The following SNX4 variants were observed in gnomAD, a reference collection of about 807,000 sequenced individuals.
SNX4 encodes sorting nexin 4.
SNX4 carries 49 observed loss-of-function variants against 70.8 expected under a neutral mutation model. The observed-to-expected ratio is 0.69, with a 90% confidence interval of 0.55 to 0.88. The LOEUF is 0.88. Among genes scored for constraint, SNX4 ranks in the 40% least tolerant of loss-of-function variants. The pLI is 0.00. For missense variants in SNX4, 528 were observed against 544.8 expected (o/e 0.97, Z 0.31); for synonymous variants, 206 against 183.8 (o/e 1.12, Z -0.98).
chr3:125,511,695 C>A (rs1232210800), intron 1 of SNX4, among the ~76,000 whole-genome samples: 1 of 151,568 alleles, frequency 6.6e-6, no homozygotes, highest in South Asian at 2.1e-4. Flanking sequence ...CTTTTTTTTT[C>A]TTCTTTGCTC....
At chr3:125,506,817 T>TAAAAAAAAAAAAAAAAA (rs71148182) in intron 1 of SNX4, among the ~76,000 whole-genome samples, 5 of 26,834 alleles carry the variant, frequency 1.9e-4, no homozygotes, top group Non-Finnish European at 2.3e-4. Context: ...GTGGAGAAAG[T>TAAAAAAAAAAAAAAAAA]AAAAAAAAAA....
chr3:125,460,027 C>G (rs1559810355), intron 10 of SNX4, among the ~76,000 whole-genome samples: 1 of 151,758 alleles, frequency 6.6e-6, no homozygotes. Context: ...AACCCTGTCT[C>G]TACTAAAAAT....
chr3:125,512,748 G>C (rs1935195121), intron 1 of SNX4, among the ~76,000 whole-genome samples: 1 of 151,146 alleles, frequency 6.6e-6, no homozygotes, highest in Non-Finnish European at 1.5e-5. Flanking sequence ...TCTCACCTCA[G>C]TGCAGGGTCA....
chr3:125,491,590 A>G (rs1475006284), intron 5 of SNX4, among the ~76,000 whole-genome samples: 4 of 152,200 alleles, frequency 2.6e-5, no homozygotes, highest in Non-Finnish European at 4.4e-5. Context: ...ATTACATAAA[A>G]AAGAGGAAGC....
chr3:125,489,843 T>C (rs779570324), intron 5 of SNX4, among the ~76,000 whole-genome samples: 8 of 152,212 alleles, frequency 5.3e-5, no homozygotes, highest in Non-Finnish European at 1.2e-4. Context: ...ACTGCTTTCA[T>C]GGCCGGGCAC....
intron 5 of SNX4, among the ~76,000 whole-genome samples, chr3:125,490,187 T>C (rs866747682): frequency 2.6e-5 from 4 of 151,906 alleles, no homozygotes; most frequent in South Asian, 2.1e-4. Flanking sequence ...AAAGCAAATG[T>C]ACATTGGTTT....
intron 6 of SNX4, among the ~76,000 whole-genome samples, chr3:125,481,381 G>C (rs1195920428): frequency 6.6e-6 from 1 of 150,808 alleles, no homozygotes; most frequent in African/African-American, 2.4e-5. Flanking sequence ...AGCTTCTTTT[G>C]TAGTACTCAC....
At chr3:125,510,863 T>C (rs772744150) in intron 1 of SNX4, among the ~76,000 whole-genome samples, 2 of 152,236 alleles carry the variant, frequency 1.3e-5, no homozygotes, top group African/African-American at 2.4e-5. Flanking sequence ...AATGTACTTA[T>C]GACTGAACAT....
intron 8 of SNX4, among the ~76,000 whole-genome samples, chr3:125,476,126 G>A (rs976444262): frequency 6.6e-6 from 1 of 151,716 alleles, no homozygotes; most frequent in Admixed American, 6.6e-5. Flanking sequence ...AAATAGCCAG[G>A]TGTGGTGGCA....
chr3:125,505,193 C>T (rs1326566353), intron 1 of SNX4, among the ~76,000 whole-genome samples: 1 of 152,232 alleles, frequency 6.6e-6, no homozygotes, highest in Non-Finnish European at 1.5e-5. Flanking sequence ...TGGTCTCAAA[C>T]TCCTGACCTC....
chr3:125,463,356 A>C (rs559205010), intron 9 of SNX4, among the ~76,000 whole-genome samples: 53 of 152,348 alleles, frequency 3.5e-4, no homozygotes, highest in South Asian at 1.2e-3. Context: ...GAAGAAAACA[A>C]AGAGGACTTG....
chr3:125,489,335 G>A (rs1213216865), intron 6 of SNX4, 73 bp downstream of exon 6: 8 of 1,162,254 alleles, frequency 6.9e-6, no homozygotes, highest in Non-Finnish European at 1.0e-5. Flanking sequence ...CATACATTCA[G>A]AAATGAAAAA....
At chr3:125,456,019 C>T (rs1933706702) in intron 11 of SNX4, among the ~76,000 whole-genome samples, 1 of 152,102 alleles carries the variant, frequency 6.6e-6, no homozygotes, top group Non-Finnish European at 1.5e-5. Flanking sequence ...AACAAACAAA[C>T]AAACAAAAAC....
chr3:125,449,705 C>T (rs139909265), intron 13 of SNX4, among the ~76,000 whole-genome samples: 2 of 152,214 alleles, frequency 1.3e-5, no homozygotes, highest in African/African-American at 4.8e-5. Context: ...CCAAATACAG[C>T]TATAGTAGTA....
intron 6 of SNX4, among the ~76,000 whole-genome samples, chr3:125,488,575 A>G (rs900270470): frequency 1.3e-5 from 2 of 152,232 alleles, no homozygotes; most frequent in African/African-American, 4.8e-5. Context: ...TTCAAAATTT[A>G]TATGAAAAAT....
intron 1 of SNX4, among the ~76,000 whole-genome samples, chr3:125,512,037 C>CTCAG (rs1013236598): frequency 1.5e-4 from 23 of 152,262 alleles, no homozygotes; most frequent in African/African-American, 4.6e-4. Context: ...AAACAAAAAT[C>CTCAG]TCAGTCCTCA....
intron 4 of SNX4, 107 bp from the exon 5 acceptor site, chr3:125,497,495 G>A: frequency 2.6e-6 from 2 of 772,968 alleles, no homozygotes; most frequent in Non-Finnish European, 2.1e-6. Context: ...GAATTGGAGA[G>A]AGAAGTTTAA....
At position 125,520,041 on chromosome 3, in the gene SNX4, C is replaced by T. The variant is rs1490734607; in HGVS notation, c.132G>A (p.Gly44=). The T allele has an allele frequency of 1.3e-6, 2 of 1,565,926 alleles. No homozygotes were observed. The highest frequency in any genetic ancestry group is 1.7e-6 in the Non-Finnish European group (2 of 1,158,478). ...EAEGAGEESS[G]VDTMTHNNFW... The stretch of plus-strand genomic sequence containing the variant: ...CGCCCCTTCTCCTCACCGTGTCGAC[C>T]CCAGAGCTCTCTTCTCCGGCCCCCT... Residue 44 remains glycine, a synonymous_variant, in exon 1 of 14, where the codon GGG becomes GGA. Transcript: ENST00000251775.
chr3:125,476,616 C>G (rs1451052492), intron 8 of SNX4, 79 bp downstream of exon 8: 2 of 867,314 alleles, frequency 2.3e-6, no homozygotes, highest in African/African-American at 3.4e-5. Context: ...TCTCCACACT[C>G]ATAAATGTTC....
Sources: gnomAD v4.1 joint callset for allele counts (sites outside exome capture counted in the v4.1 genomes callset) on GRCh38, gnomAD v4.1.1 for gene constraint, MANE v1.5 for transcripts, NCBI Gene and HGNC (gene_info 2026-07-23, HGNC 2026-07-21) for gene names.